The following PALM2AKAP2 variants were observed in gnomAD, a reference collection of about 807,000 sequenced individuals.
PALM2AKAP2 encodes the protein PALM2-AKAP2 fusion protein.
In PALM2AKAP2, 37 loss-of-function variants were observed where a neutral mutation model predicts 71.5. The observed-to-expected ratio is 0.52, with a 90% CI of 0.40 to 0.68. The LOEUF (loss-of-function observed/expected upper bound fraction) is 0.68, where lower values mean the gene tolerates loss of function less well. Among genes scored for constraint, PALM2AKAP2 ranks in the 30% least tolerant of loss-of-function variants. The probability of loss-of-function intolerance (pLI) is 0.00; values close to 1 mark genes in which losing one functional copy is unlikely to be tolerated. For missense variants in PALM2AKAP2, 1,224 were observed against 1,191.8 expected, an observed-to-expected ratio of 1.03 and a Z score of -0.40; for synonymous variants, 468 against 478.8, an observed-to-expected ratio of 0.98 and a Z score of 0.29.
chr9:109,831,107 T>C (rs962698598), intron 1 of PALM2AKAP2, among the ~76,000 whole-genome samples: 3 of 151,172 alleles, frequency 2.0e-5, no homozygotes, highest in African/African-American at 7.3e-5. Flanking sequence ...TCTAATGCAT[T>C]CTTTTTTCCC....
intron 1 of PALM2AKAP2, among the ~76,000 whole-genome samples, chr9:109,842,770 T>C (rs186025300): frequency 2.0e-5 from 3 of 151,984 alleles, no homozygotes; most frequent in Admixed American, 6.5e-5. Flanking sequence ...ATCCCAGCTC[T>C]TTGGGAGGCC....
intron 7 of PALM2AKAP2, among the ~76,000 whole-genome samples, chr9:110,020,092 A>G (rs1833047262): frequency 6.6e-6 from 1 of 152,216 alleles, no homozygotes; most frequent in Non-Finnish European, 1.5e-5. Context: ...AATATCAGCT[A>G]TTCCTGCCTT....
chr9:109,836,110 C>T (rs1392772614), intron 1 of PALM2AKAP2, among the ~76,000 whole-genome samples: 1 of 152,204 alleles, frequency 6.6e-6, no homozygotes, highest in Non-Finnish European at 1.5e-5. Flanking sequence ...CCCGAGTAGC[C>T]TAACTGGGAG....
intron 1 of PALM2AKAP2, among the ~76,000 whole-genome samples, chr9:109,833,565 C>T (rs114878856): frequency 0.012 from 1,901 of 152,200 alleles, 42 homozygotes; most frequent in African/African-American, 0.043. Flanking sequence ...GGTCTGTGGG[C>T]TCACCTAGTT....
intron 1 of PALM2AKAP2, among the ~76,000 whole-genome samples, chr9:109,799,443 C>T (rs900804325): frequency 1.3e-5 from 2 of 152,216 alleles, no homozygotes; most frequent in African/African-American, 2.4e-5. Flanking sequence ...GTACATTCCT[C>T]AAGGCTTCTC....
At chr9:110,121,864 C>A (rs1835493454) in intron 1 of PALM2AKAP2, among the ~76,000 whole-genome samples, 1 of 152,182 alleles carries the variant, frequency 6.6e-6, no homozygotes, top group Non-Finnish European at 1.5e-5. Flanking sequence ...TCTGCCCACT[C>A]AAAATGAGTT....
At chr9:109,749,848 G>A (rs1828859031) in intron 1 of PALM2AKAP2, among the ~76,000 whole-genome samples, 2 of 152,128 alleles carry the variant, frequency 1.3e-5, no homozygotes, top group African/African-American at 4.8e-5. Context: ...TTGTCAACCT[G>A]TTTTCATCAC....
intron 1 of PALM2AKAP2, chr9:109,867,196 G>A: frequency 2.3e-6 from 1 of 428,928 alleles, no homozygotes; most frequent in South Asian, 1.7e-5. Flanking sequence ...GTGTGTGTGT[G>A]TGTGTGTGTC....
intron 6 of PALM2AKAP2, among the ~76,000 whole-genome samples, chr9:109,936,389 T>G (rs1831217902): frequency 6.6e-6 from 1 of 152,214 alleles, no homozygotes; most frequent in Non-Finnish European, 1.5e-5. Flanking sequence ...GAACCCATTC[T>G]GAATTAATTT....
intron 2 of PALM2AKAP2, among the ~76,000 whole-genome samples, chr9:110,150,495 C>T (rs1836282911): frequency 1.3e-5 from 2 of 152,202 alleles, no homozygotes; most frequent in Admixed American, 6.5e-5. Flanking sequence ...CTCTCTCTCT[C>T]GCTGACCCTC....
chr9:109,803,271 T>G (rs944327475), intron 1 of PALM2AKAP2, among the ~76,000 whole-genome samples: 2 of 152,224 alleles, frequency 1.3e-5, no homozygotes, highest in Non-Finnish European at 2.9e-5. Flanking sequence ...TCACAAATCC[T>G]TTTGCTAGCT....
At chr9:109,867,150 C>G in intron 1 of PALM2AKAP2, 1 of 454,202 alleles carries the variant, frequency 2.2e-6, no homozygotes, top group Non-Finnish European at 4.4e-6. Flanking sequence ...TAACACTGCA[C>G]AGAACATGGT....
At chr9:109,930,355 A>G (rs1003314272) in intron 5 of PALM2AKAP2, among the ~76,000 whole-genome samples, 1 of 151,810 alleles carries the variant, frequency 6.6e-6, no homozygotes, top group African/African-American at 2.4e-5. Flanking sequence ...CCCCTCTAGT[A>G]GCTGGGACTA....
intron 1 of PALM2AKAP2, among the ~76,000 whole-genome samples, chr9:109,825,618 C>A (rs1828126692): frequency 6.6e-6 from 1 of 152,200 alleles, no homozygotes; most frequent in East Asian, 1.9e-4. Flanking sequence ...AAAAAATGCT[C>A]ATCATCACTG....
chr9:110,125,421 CCTT>C, intron 1 of PALM2AKAP2: 3 of 884,258 alleles, frequency 3.4e-6, no homozygotes, highest in Non-Finnish European at 4.1e-6. Context: ...AGGTTAAAGT[CCTT>C]CTTTGTGTGA....
At chr9:109,691,592 A>G (rs934031540) in intron 1 of PALM2AKAP2, among the ~76,000 whole-genome samples, 17 of 151,592 alleles carry the variant, frequency 1.1e-4, no homozygotes, top group Non-Finnish European at 2.9e-5. Flanking sequence ...TTCTCTCCCC[A>G]TAATTTCTAG....
At chr9:109,640,888 C>A (rs750292048) in intron 1 of PALM2AKAP2, 14 of 1,514,176 alleles carry the variant, frequency 9.2e-6, no homozygotes, top group African/African-American at 5.7e-5. Flanking sequence ...CGAGCCGCGC[C>A]GCCAGCTGCT....
intron 1 of PALM2AKAP2, among the ~76,000 whole-genome samples, chr9:109,690,355 A>T (rs1348359134): frequency 6.6e-6 from 1 of 152,220 alleles, no homozygotes; most frequent in Admixed American, 6.5e-5. Flanking sequence ...TTGGCTAAAA[A>T]GGGAGGTTGA....
At chr9:109,845,583 G>C (rs1828832506) in intron 1 of PALM2AKAP2, among the ~76,000 whole-genome samples, 2 of 152,176 alleles carry the variant, frequency 1.3e-5, no homozygotes, top group Non-Finnish European at 2.9e-5. Context: ...AATCCAGGAG[G>C]CTACAGAAAT....
Sources: allele counts gnomAD v4.1 joint callset (sites outside exome capture counted in the v4.1 genomes callset), GRCh38; gene constraint gnomAD v4.1.1; transcripts MANE v1.5; gene names NCBI Gene and HGNC (gene_info 2026-07-23, HGNC 2026-07-21).